The following COL13A1 variants were observed in gnomAD, a reference collection of about 807,000 sequenced individuals.
COL13A1 encodes collagen type XIII alpha 1 chain, also known as collagen alpha-1(XIII) chain.
In COL13A1, 89 loss-of-function variants were observed where a neutral mutation model predicts 130.9. The observed-to-expected ratio is 0.68, with a 90% CI of 0.57 to 0.81. The LOEUF is 0.81. Ranked by LOEUF, COL13A1 falls within the 30% of genes least tolerant of loss-of-function variation. The probability of loss-of-function intolerance (pLI) is 0.00; values close to 1 mark genes in which losing one functional copy is unlikely to be tolerated. For missense variants in COL13A1, 879 were observed against 934.6 expected (o/e 0.94, Z 0.78); for synonymous variants, 402 against 341.6 (o/e 1.18, Z -1.95).
At chr10:69,905,925 C>A in intron 17 of COL13A1, 103 bp downstream of exon 17, 1 of 1,299,304 alleles carries the variant, frequency 7.7e-7, no homozygotes, top group Non-Finnish European at 1.1e-6. Context: ...ACCTAGGTGG[C>A]TGTGCCTGTA....
intron 7 of COL13A1, among the ~76,000 whole-genome samples, chr10:69,882,106 G>A (rs1162272060): frequency 6.6e-6 from 1 of 152,210 alleles, no homozygotes; most frequent in African/African-American, 2.4e-5. Context: ...TGATGAAGGT[G>A]GTGATGGGAA....
chr10:69,927,815 G>A (rs1486578140), intron 27 of COL13A1, among the ~76,000 whole-genome samples: 1 of 152,200 alleles, frequency 6.6e-6, no homozygotes, highest in Non-Finnish European at 1.5e-5. Flanking sequence ...CCCAGAAATT[G>A]CTATCAACGA....
chr10:69,866,810 G>A (rs2058564396), intron 2 of COL13A1, among the ~76,000 whole-genome samples: 1 of 152,196 alleles, frequency 6.6e-6, no homozygotes, highest in Non-Finnish European at 1.5e-5. Flanking sequence ...CCGGCTCTGG[G>A]AATGGGAGGA....
chr10:69,889,045 G>A (rs2060890548), intron 9 of COL13A1, among the ~76,000 whole-genome samples: 2 of 152,156 alleles, frequency 1.3e-5, no homozygotes, highest in African/African-American at 2.4e-5. Flanking sequence ...GCAGGCCAGC[G>A]AGCTAAGTGC....
intron 3 of COL13A1, among the ~76,000 whole-genome samples, chr10:69,870,438 A>G (rs2058947747): frequency 6.6e-6 from 1 of 151,376 alleles, no homozygotes; most frequent in Non-Finnish European, 1.5e-5. Context: ...TCAGCCTCCC[A>G]AGTAGCTAGG....
At chr10:69,818,147 G>A (rs755304354) in intron 1 of COL13A1, among the ~76,000 whole-genome samples, 2 of 152,058 alleles carry the variant, frequency 1.3e-5, no homozygotes, top group Admixed American at 6.5e-5. Flanking sequence ...TTCCCACAAC[G>A]TGCTCTTGCC....
At chr10:69,913,396 G>C (rs1565040884) in intron 17 of COL13A1, among the ~76,000 whole-genome samples, 1 of 152,180 alleles carries the variant, frequency 6.6e-6, no homozygotes, top group Non-Finnish European at 1.5e-5. Flanking sequence ...GAGTGAGCCA[G>C]GCCCTCCAAA....
At chr10:69,935,311 G>A in intron 31 of COL13A1, 39 bp from the exon 32 acceptor site, 3 of 1,553,014 alleles carry the variant, frequency 1.9e-6, no homozygotes, top group Non-Finnish European at 2.6e-6. Context: ...AGGAGGGAGG[G>A]CCACTTCAAA....
intron 31 of COL13A1, among the ~76,000 whole-genome samples, chr10:69,934,248 T>A (rs2066529727): frequency 6.6e-6 from 1 of 152,246 alleles, no homozygotes; most frequent in African/African-American, 2.4e-5. Context: ...TGTTAATGCA[T>A]GTAGAGATTT....
At chr10:69,825,877 G>T (rs1360507512) in intron 2 of COL13A1, among the ~76,000 whole-genome samples, 2 of 152,222 alleles carry the variant, frequency 1.3e-5, no homozygotes, top group Non-Finnish European at 2.9e-5. Flanking sequence ...AGATCTGGCT[G>T]CATCCTGCTT....
rs115785398 is a variant in COL13A1 at position 69,847,179 on chromosome 10, A to G, written c.365-20619A>G. Among the ~76,000 whole-genome samples, 566 of 152,304 alleles carry G rather than the reference A, an allele frequency of 3.7e-3. 5 individuals are homozygous for G. The highest frequency in any genetic ancestry group is 0.013 in the African/African-American group (529 of 41,552). ...TGACCCCAGCTCCTTCAGAACCCTAACAGCTAGAAATTCTTATGCTCATTT... is the reference window on the plus strand; with the variant it reads ...TGACCCCAGCTCCTTCAGAACCCTAGCAGCTAGAAATTCTTATGCTCATTT... On this transcript the variant is annotated intron_variant, in intron 2 of 40. Coordinates refer to ENST00000645393, the MANE Select transcript of COL13A1 (RefSeq NM_001368882.1).
At chr10:69,884,132 G>A (rs949909332) in intron 7 of COL13A1, among the ~76,000 whole-genome samples, 11 of 152,168 alleles carry the variant, frequency 7.2e-5, no homozygotes, top group Admixed American at 5.2e-4. Context: ...TAGAGATGCC[G>A]TAAAGTCCAA....
At chr10:69,805,135 G>T (rs1039834418) in intron 1 of COL13A1, among the ~76,000 whole-genome samples, 3 of 152,134 alleles carry the variant, frequency 2.0e-5, no homozygotes, top group African/African-American at 4.8e-5. Flanking sequence ...GGAGAGAGAC[G>T]GGCAGCCCAG....
chr10:69,936,010 T>A, intron 32 of COL13A1, among the ~76,000 whole-genome samples: 1 of 59,212 alleles, frequency 1.7e-5, no homozygotes, highest in Non-Finnish European at 3.4e-5. Flanking sequence ...AGACCCTGTC[T>A]CAAAAAAAAA....
At chr10:69,917,166 A>C in intron 17 of COL13A1, 123 bp from the exon 18 acceptor site, 1 of 1,214,676 alleles carries the variant, frequency 8.2e-7, no homozygotes, top group Non-Finnish European at 1.2e-6. Context: ...CAGGGTCCTC[A>C]GAGCTCAACA....
At chr10:69,821,219 T>C (rs1845991742) in intron 1 of COL13A1, among the ~76,000 whole-genome samples, 1 of 152,198 alleles carries the variant, frequency 6.6e-6, no homozygotes, top group South Asian at 2.1e-4. Flanking sequence ...AACCACCCAC[T>C]TCAAAATATT....
At position 69,930,483 on chromosome 10, in the gene COL13A1, A is replaced by C. The variant is rs767416078; in HGVS notation, c.1614A>C (p.Gly538=). 1 of 1,613,814 alleles carries C rather than the reference A, an allele frequency of 6.2e-7. No individual in the cohort carries two copies. The highest frequency in any genetic ancestry group is 8.5e-7 in the Non-Finnish European group (1 of 1,179,824). Reference sequence around the variant, plus strand: ...AGGATGGACCTCCAGGAGTGAAGGGAGAAAACGGGCACCCAGGGAGCCCAG... The same window carrying C: ...AGGATGGACCTCCAGGAGTGAAGGGCGAAAACGGGCACCCAGGGAGCCCAG... ...PGKDGPPGVK[G]ENGHPGSPGE... The change falls in exon 30 of 41, where the codon GGA becomes GGC. Residue 538 remains glycine (G), a synonymous_variant. Coordinates refer to ENST00000645393, the MANE Select transcript of COL13A1 (RefSeq NM_001368882.1).
At chr10:69,942,959 T>C (rs1169840381) in intron 35 of COL13A1, among the ~76,000 whole-genome samples, 2 of 152,254 alleles carry the variant, frequency 1.3e-5, no homozygotes, top group African/African-American at 2.4e-5. Flanking sequence ...GCGATTCTCC[T>C]GCCTCAGCCT....
At chr10:69,897,616 C>A in intron 13 of COL13A1, 1 of 1,473,768 alleles carries the variant, frequency 6.8e-7, no homozygotes, top group Non-Finnish European at 9.4e-7. Context: ...ATCCCCAGGC[C>A]CCGGCAGTGG....
Sources: allele counts gnomAD v4.1 joint callset (sites outside exome capture counted in the v4.1 genomes callset), GRCh38; gene constraint gnomAD v4.1.1; transcripts MANE v1.5; gene names NCBI Gene and HGNC (gene_info 2026-07-23, HGNC 2026-07-21).